AK5: variants seen among roughly 807,000 people sequenced by gnomAD.
AK5 encodes adenylate kinase isoenzyme 5.
AK5 carries 27 observed loss-of-function variants against 69.5 expected under a neutral mutation model. The observed-to-expected ratio is 0.39, with a 90% CI of 0.29 to 0.54. The LOEUF is 0.54. AK5 is among the 20% of genes least tolerant of loss of function. The pLI, the probability that AK5 is intolerant of heterozygous loss-of-function variation, is 0.71. For synonymous variants in AK5, 260 were observed against 244.4 expected (o/e 1.06, Z -0.60); for missense variants, 531 against 700.4 (o/e 0.76, Z 2.73).
At chr1:77,464,563 G>T (rs1210966375) in intron 8 of AK5, among the ~76,000 whole-genome samples, 1 of 152,176 alleles carries the variant, frequency 6.6e-6, no homozygotes, top group Non-Finnish European at 1.5e-5. Context: ...ATCATTCTAG[G>T]TGAAGATGAT....
At chr1:77,290,730 T>G (rs1320447773) in intron 2 of AK5, among the ~76,000 whole-genome samples, 1 of 152,222 alleles carries the variant, frequency 6.6e-6, no homozygotes, top group Non-Finnish European at 1.5e-5. Flanking sequence ...CTTTTCCTGT[T>G]TCCATGAAGT....
intron 6 of AK5, among the ~76,000 whole-genome samples, chr1:77,347,843 C>T (rs1484829959): frequency 6.6e-6 from 1 of 152,140 alleles, no homozygotes; most frequent in East Asian, 1.9e-4. Context: ...AAGCAACGCC[C>T]TGACTCACAA....
chr1:77,408,822 T>C (rs545009255), intron 6 of AK5, among the ~76,000 whole-genome samples: 26 of 152,286 alleles, frequency 1.7e-4, no homozygotes, highest in Admixed American at 5.2e-4. Flanking sequence ...GGTAAACATA[T>C]GTCATTGGGG....
chr1:77,337,432 A>T, intron 5 of AK5, among the ~76,000 whole-genome samples: 1 of 152,176 alleles, frequency 6.6e-6, no homozygotes, highest in East Asian at 1.9e-4. Context: ...TTTTTCTTAT[A>T]TTTTAATATG....
chr1:77,379,438 C>T (rs1269356698), intron 6 of AK5, among the ~76,000 whole-genome samples: 2 of 152,170 alleles, frequency 1.3e-5, no homozygotes, highest in Non-Finnish European at 2.9e-5. Context: ...CATAGATTAG[C>T]GTCAGAGATT....
At chr1:77,376,015 A>G (rs1647222739) in intron 6 of AK5, among the ~76,000 whole-genome samples, 1 of 152,236 alleles carries the variant, frequency 6.6e-6, no homozygotes, top group African/African-American at 2.4e-5. Flanking sequence ...CCTCGTTATT[A>G]GAGATTGGTG....
intron 5 of AK5, among the ~76,000 whole-genome samples, chr1:77,323,018 C>G (rs6668328): frequency 0.1 from 15,071 of 150,722 alleles, 940 homozygotes; most frequent in East Asian, 0.2. Context: ...GACAGAATTT[C>G]GCTCTGTCAC....
At chr1:77,486,263 G>A (rs150190960) in intron 9 of AK5, 45 bp from the exon 10 acceptor site, 3 of 1,326,504 alleles carry the variant, frequency 2.3e-6, no homozygotes, top group African/African-American at 2.9e-5. Flanking sequence ...CAGGGCTTCA[G>A]TACAGTTTTT....
chr1:77,450,403 C>T (rs2100656000), intron 8 of AK5, among the ~76,000 whole-genome samples: 1 of 152,296 alleles, frequency 6.6e-6, no homozygotes, highest in African/African-American at 2.4e-5. Flanking sequence ...TAAAGACAAA[C>T]CCCTTCTAAC....
intron 8 of AK5, among the ~76,000 whole-genome samples, chr1:77,446,705 A>G (rs577310447): frequency 6.6e-6 from 1 of 151,648 alleles, no homozygotes; most frequent in Non-Finnish European, 1.5e-5. Flanking sequence ...GTTTGTTGTT[A>G]TTGTTGTTGT....
rs1654838861 is a variant in AK5, at chr1:77,475,418, CTATATATT to C, written c.1060-7898_1060-7891del. ...TATATAATATATATGTATATATATA[CTATATATT>C]ATATATATGTATATATATTATATAT... On this transcript the variant is annotated intron_variant, in intron 8 of 13. Transcript: ENST00000354567. Among the ~76,000 whole-genome samples, 64 of 82,002 alleles carry C rather than the reference CTATATATT, an allele frequency of 7.8e-4. 3 individuals are homozygous for C. The highest frequency in any genetic ancestry group is 3.3e-3 in the South Asian group (10 of 3,030). The allele number at this position is 82,002 out of a possible 152,430, so 53.8% of individuals were successfully genotyped here. A position where few individuals can be genotyped will look rare whatever the true frequency, so the allele number is the denominator to read the frequency against.
intron 10 of AK5, among the ~76,000 whole-genome samples, chr1:77,504,441 ATT>A (rs61693501): frequency 6.7e-6 from 1 of 150,232 alleles, no homozygotes; most frequent in Admixed American, 6.6e-5. Flanking sequence ...GTATATATAT[ATT>A]TTTTTTAATA....
chr1:77,378,137 C>T (rs892659182), intron 6 of AK5, among the ~76,000 whole-genome samples: 1 of 152,188 alleles, frequency 6.6e-6, no homozygotes, highest in Non-Finnish European at 1.5e-5. Flanking sequence ...CTCACTTCCA[C>T]GTAAGCTGTT....
chr1:77,392,275 A>G (rs544143166), intron 6 of AK5, among the ~76,000 whole-genome samples: 4 of 152,300 alleles, frequency 2.6e-5, no homozygotes, highest in South Asian at 2.1e-4. Context: ...TCCAAGCCCA[A>G]ATCTCATGAA....
chr1:77,417,512 A>T, intron 7 of AK5, 127 bp from the exon 8 acceptor site: 3 of 653,068 alleles, frequency 4.6e-6, no homozygotes, highest in Non-Finnish European at 8.1e-6. Flanking sequence ...GGCAGATGAG[A>T]ACAGTCTAGA....
At chr1:77,397,955 A>G (rs1041321319) in intron 6 of AK5, among the ~76,000 whole-genome samples, 1 of 152,196 alleles carries the variant, frequency 6.6e-6, no homozygotes, top group African/African-American at 2.4e-5. Flanking sequence ...TTTCTACTTT[A>G]TTAGTGGTAT....
intron 8 of AK5, among the ~76,000 whole-genome samples, chr1:77,466,666 A>G (rs1654161482): frequency 6.6e-6 from 1 of 152,234 alleles, no homozygotes; most frequent in Non-Finnish European, 1.5e-5. Flanking sequence ...GAGTCTGGAA[A>G]CCAAGATCAA....
At chr1:77,285,909 A>T (rs1039394656) in intron 1 of AK5, among the ~76,000 whole-genome samples, 6 of 152,124 alleles carry the variant, frequency 3.9e-5, no homozygotes, top group Non-Finnish European at 8.8e-5. Context: ...CAGGGAAAGC[A>T]TCAGTATCTG....
chr1:77,346,225 G>A (rs1358889115), intron 6 of AK5: 2 of 152,152 alleles, frequency 1.3e-5, no homozygotes, highest in African/African-American at 4.8e-5. Context: ...TCAAACCCCT[G>A]TCGTGAAGGA....
Sources: gnomAD v4.1 joint callset for allele counts (sites outside exome capture counted in the v4.1 genomes callset) on GRCh38, gnomAD v4.1.1 for gene constraint, MANE v1.5 for transcripts, NCBI Gene and HGNC (gene_info 2026-07-23, HGNC 2026-07-21) for gene names.